NAT9: variants seen among roughly 807,000 people sequenced by gnomAD.
NAT9 encodes alpha/beta-tubulin-N-acetyltransferase 9.
Under a neutral mutation model 24.0 loss-of-function variants are expected in NAT9, and 18 were observed. That is an observed-to-expected ratio of 0.75 (90% CI 0.52 to 1.11). NAT9 has a LOEUF of 1.11. Among genes scored for constraint, NAT9 ranks in the 50% most tolerant of loss-of-function variants. NAT9 has a pLI of 0.00. For missense variants in NAT9, 254 were observed against 258.6 expected (o/e 0.98, Z 0.12); for synonymous variants, 104 against 102.3 (o/e 1.02, Z -0.10).
intron 3 of NAT9, 55 bp downstream of exon 3, chr17:74,773,521 G>A (rs2035524629): frequency 6.9e-7 from 1 of 1,457,862 alleles, no homozygotes; most frequent in Non-Finnish European, 9.6e-7. Context: ...GAGACTGACT[G>A]TGGAGTCAGC....
At chr17:74,774,627 T>A (rs2035733563) in intron 2 of NAT9, among the ~76,000 whole-genome samples, 3 of 145,318 alleles carry the variant, frequency 2.1e-5, no homozygotes, top group Non-Finnish European at 4.5e-5. Flanking sequence ...CTCGGCTCAC[T>A]GTAAGCTCCG....
intron 4 of NAT9, 63 bp from the exon 5 acceptor site, chr17:74,772,340 A>C: frequency 6.3e-7 from 1 of 1,590,764 alleles, no homozygotes; most frequent in Non-Finnish European, 8.6e-7. Flanking sequence ...GGCACTTGGC[A>C]GACACCATCT....
At position 74,771,847 on chromosome 17, in the gene NAT9, G is replaced by C. The variant is rs769372447; in HGVS notation, c.501C>G (p.Ser167Arg). The stretch of plus-strand genomic sequence containing the variant: ...TGAGGGTCACCTCCTGAAAAACACT[G>C]CTCGTAGCCACCTACGTGAGCCAGA... ...QKLHFEQVAT[S>R]SVFQEVTLRL... The change falls in exon 7 of 7, where the codon AGC becomes AGG. Residue 167 changes from serine (S) to arginine (R), a missense_variant. By Grantham distance (110) the Ser-to-Arg change is moderately radical. Transcript: ENST00000357814. The C allele has an allele frequency of 6.2e-7, 1 of 1,614,220 alleles. No individual in the cohort carries two copies. The highest frequency in any genetic ancestry group is 1.1e-5 in the South Asian group (1 of 91,088).
chr17:74,772,248 T>C lies in NAT9; in HGVS notation c.364A>G (p.Thr122Ala). ...GACAGCATCGCGAGAACGGCCTCAGTGCCAAGGCCCTTACCCCTGCAGCTG... is the reference window on the plus strand; with the variant it reads ...GACAGCATCGCGAGAACGGCCTCAGCGCCAAGGCCCTTACCCCTGCAGCTG... ...EPSCRGKGLG[T>A]EAVLAMLSYG... The change falls in exon 5 of 7, where the codon ACT becomes GCT. Residue 122 changes from threonine to alanine, a missense_variant. Thr to Ala is a moderately conservative substitution (Grantham distance 58). Coordinates refer to ENST00000357814, the MANE Select transcript of NAT9 (RefSeq NM_015654.5). 1.2e-6 allele frequency: 2 copies of C among 1,614,174 alleles called. No individual in the cohort carries two copies. The highest frequency in any genetic ancestry group is 1.7e-6 in the Non-Finnish European group (2 of 1,180,042).
chr17:74,773,612 A>G lies in NAT9; in HGVS notation c.154T>C (p.Tyr52His), dbSNP rs1300845839. The G allele has an allele frequency of 6.2e-7, 1 of 1,613,778 alleles. No homozygotes were observed. The highest frequency in any genetic ancestry group is 1.3e-5 in the African/African-American group (1 of 74,830). ...TCCTGCCAGCTGCACTGCATGGCATACTCCTGCTCCAGGGTCAGCGGCTCC... is the reference window on the plus strand; with the variant it reads ...TCCTGCCAGCTGCACTGCATGGCATGCTCCTGCTCCAGGGTCAGCGGCTCC... ...ASEPLTLEQE[Y>H]AMQCSWQEDA... The change falls in exon 3 of 7, where the codon TAT (tyrosine) becomes CAT (histidine). Residue 52 changes from tyrosine to histidine, a missense_variant. By Grantham distance (83) the Tyr-to-His change is moderately conservative. Transcript: ENST00000357814.
intron 2 of NAT9, 94 bp downstream of exon 2, chr17:74,775,528 T>C (rs2035922516): frequency 5.6e-6 from 6 of 1,067,662 alleles, no homozygotes; most frequent in Non-Finnish European, 8.1e-6. Context: ...TCACAACCAA[T>C]GTTTCTTCTT....
chr17:74,773,998 C>T lies in NAT9; in HGVS notation c.78-310G>A, dbSNP rs1344640906. The stretch of plus-strand genomic sequence containing the variant: ...GATGTATATGGCAAGCCAACCTCAA[C>T]AAAGGCGGCTGGACAGATCCCACGA... On this transcript the variant is annotated intron_variant, in intron 2 of 6. Coordinates refer to ENST00000357814, the MANE Select transcript of NAT9 (RefSeq NM_015654.5). 1.1e-4 allele frequency: 31 copies of T among 272,664 alleles called. No homozygotes were observed. In the Admixed American group the frequency reaches 1.3e-3, roughly 12 times the overall value. The allele number at this position is 272,664 out of a possible 1,614,324, so 16.9% of individuals were successfully genotyped here. A position where few individuals can be genotyped will look rare whatever the true frequency, so the allele number is the denominator to read the frequency against.
chr17:74,773,203 C>A (rs529241620), intron 3 of NAT9, 164 bp from the exon 4 acceptor site: 1 of 864,708 alleles, frequency 1.2e-6, no homozygotes, highest in African/African-American at 1.7e-5. Flanking sequence ...AATTCCAAAT[C>A]TGCCTCATAC....
rs1380484126 is a variant in NAT9 at position 74,772,964 on chromosome 17, C to A, written c.266G>T (p.Gly89Val). The A allele has an allele frequency of 6.2e-7, 1 of 1,614,078 alleles. No individual in the cohort carries two copies. The highest frequency in any genetic ancestry group is 1.3e-5 in the African/African-American group (1 of 74,930). The stretch of plus-strand genomic sequence containing the variant: ...ATCTGTGAGGAAGAGGTTCACATCT[C>A]CCACCATGCAGCTCTCTTCGGTGGC... ...PGATEESCMV[G>V]DVNLFLTDLE... is the part of the protein sequence containing the mutation. The change falls in exon 4 of 7, where the codon GGA (glycine) becomes GTA (valine). Residue 89 changes from glycine (G) to valine (V), a missense_variant. Physicochemically the swap from Gly to Val is moderately radical, Grantham distance 109. Coordinates refer to ENST00000357814, the MANE Select transcript of NAT9 (RefSeq NM_015654.5).
At chr17:74,773,498 GGGAAGGAACCT>G (rs2035521856) in intron 3 of NAT9, 67 bp downstream of exon 3, 1 of 1,300,276 alleles carries the variant, frequency 7.7e-7, no homozygotes, top group African/African-American at 1.5e-5. Context: ...GGCTGGGAAA[GGGAAGGAACCT>G]GGAGACTGAC....
chr17:74,775,634 TC>T lies in NAT9; in HGVS notation c.64del (p.Glu22SerfsTer11), dbSNP rs763370765. The T allele has an allele frequency of 1.2e-6, 2 of 1,613,834 alleles. No homozygotes were observed. The highest frequency in any genetic ancestry group is 2.2e-5 in the South Asian group (2 of 91,084). ...KKVVLVPYTS[E>X]HVPSRYHEWM... ...GCGGGAAAGATACCTGGGCACATGC[TC>T]CGAGGTGTAGGGTACAAGGACCACC... On this transcript the variant is annotated frameshift_variant, in exon 2 of 7. Transcript: ENST00000357814. LOFTEE classifies it high-confidence loss of function.
intron 4 of NAT9, chr17:74,772,493 C>T: frequency 7.0e-7 from 1 of 1,428,852 alleles, no homozygotes; most frequent in Non-Finnish European, 9.1e-7. Context: ...CTCATGGAGT[C>T]AGTATGCTGC....
chr17:74,775,141 C>T (rs2035837327), intron 2 of NAT9, among the ~76,000 whole-genome samples: 1 of 152,080 alleles, frequency 6.6e-6, no homozygotes, highest in Non-Finnish European at 1.5e-5. Context: ...AGGCGTGAGC[C>T]ACCGCACCCG....
chr17:74,772,163 C>G (rs1183869982), intron 5 of NAT9, 55 bp downstream of exon 5: 1 of 1,614,142 alleles, frequency 6.2e-7, no homozygotes, highest in East Asian at 2.2e-5. Flanking sequence ...CACACCTGAA[C>G]AAAGTTCACC....
At chr17:74,772,739 GGGGCTAGGT>G in intron 4 of NAT9, 148 bp downstream of exon 4, 1 of 1,214,192 alleles carries the variant, frequency 8.2e-7, no homozygotes, top group African/African-American at 1.5e-5. Context: ...CCAGGCTGAG[GGGGCTAGGT>G]GGGCAGGCTG....
In NAT9 at chr17:74,771,677, G is replaced by A. The variant is rs199772747; in HGVS notation, c.*47C>T. 1.5e-5 allele frequency: 24 copies of A among 1,610,344 alleles called. No individual in the cohort carries two copies. Among genetic ancestry groups the A allele is most frequent in the Non-Finnish European group, 1.7e-5 (20 of 1,179,504 alleles). On this transcript the variant is annotated 3_prime_UTR_variant, in exon 7 of 7. Coordinates refer to ENST00000357814, the MANE Select transcript of NAT9 (RefSeq NM_015654.5). ...GGGCTCTGGTCTTTGAAGTGTATGG[G>A]CCCAACACCCTGCTCACACAGAGTG...
At chr17:74,772,728 A>C (rs2035395893) in intron 4 of NAT9, 168 bp downstream of exon 4, 2 of 1,185,630 alleles carry the variant, frequency 1.7e-6, no homozygotes, top group Admixed American at 5.5e-5. Flanking sequence ...AGGGTGTACC[A>C]CCAGGCTGAG....
rs1481587268 is a variant in NAT9 at position 74,771,590 on chromosome 17, CAG to C, written c.*132_*133del. 7.2e-7 allele frequency: 1 copy of C among 1,384,986 alleles called. No homozygotes were observed. Among genetic ancestry groups the C allele is most frequent in the Non-Finnish European group, 9.7e-7 (1 of 1,031,972 alleles). The allele number at this position is 1,384,986 out of a possible 1,614,324, so 85.8% of individuals were successfully genotyped here. On this transcript the variant is annotated 3_prime_UTR_variant, in exon 7 of 7. Transcript: ENST00000357814. ...GGAGGGAGGCCACAGCAAGCCCCGC[CAG>C]AGTCTGAAGGGCCTCGAAAGGTGAT...
chr17:74,772,198 G>T lies in NAT9; in HGVS notation c.394+20C>A. The T allele has an allele frequency of 6.2e-7, 1 of 1,614,198 alleles. No homozygotes were observed. The highest frequency in any genetic ancestry group is 1.1e-5 in the South Asian group (1 of 91,084). On this transcript the variant is annotated intron_variant, in intron 5 of 6. Transcript: ENST00000357814. ...CTGGGGCCTGCCCACTTCCCGCATT[G>T]TCTGCTCACACTTTCTTACCGTAAG...
Sources: gnomAD v4.1 joint callset for allele counts (sites outside exome capture counted in the v4.1 genomes callset) on GRCh38, gnomAD v4.1.1 for gene constraint, MANE v1.5 for transcripts, NCBI Gene and HGNC (gene_info 2026-07-23, HGNC 2026-07-21) for gene names.